The following ASTN2 variants were observed in gnomAD, a reference collection of about 807,000 sequenced individuals.
The protein encoded by ASTN2 is astrotactin-2.
In ASTN2, 54 loss-of-function variants were observed where a neutral mutation model predicts 139.8. That is an observed-to-expected ratio of 0.39 (90% CI 0.31 to 0.48). ASTN2 has a LOEUF of 0.48. Among genes scored for constraint, ASTN2 ranks in the 20% least tolerant of loss-of-function variants. The probability of loss-of-function intolerance (pLI) is 0.95; values close to 1 mark genes in which losing one functional copy is unlikely to be tolerated. For missense variants in ASTN2, 1,565 were observed against 1,725.1 expected (o/e 0.91, Z 1.64); for synonymous variants, 756 against 719.5 (o/e 1.05, Z -0.81).
intron 3 of ASTN2, among the ~76,000 whole-genome samples, chr9:117,176,328 G>GTA (rs1430659315): frequency 6.6e-6 from 1 of 152,034 alleles, no homozygotes; most frequent in Admixed American, 6.6e-5. Context: ...TAAAGTAAAA[G>GTA]TATAACTATC....
At chr9:117,140,168 C>A (rs950874836) in intron 4 of ASTN2, among the ~76,000 whole-genome samples, 16 of 152,024 alleles carry the variant, frequency 1.1e-4, no homozygotes, top group African/African-American at 3.6e-4. Context: ...AGTCAATAAC[C>A]CTTAGGGGCC....
At chr9:117,085,070 A>G (rs1164607216) in intron 5 of ASTN2, among the ~76,000 whole-genome samples, 1 of 152,166 alleles carries the variant, frequency 6.6e-6, no homozygotes, top group Non-Finnish European at 1.5e-5. Flanking sequence ...GGCCCTAAAT[A>G]TTCAGCTTCT....
chr9:116,446,269 A>AGAGC (rs1184923739), intron 20 of ASTN2, among the ~76,000 whole-genome samples: 2 of 73,858 alleles, frequency 2.7e-5, no homozygotes, highest in African/African-American at 9.1e-5. Context: ...AGAGAGAGAG[A>AGAGC]GATAGAGAGA....
chr9:116,505,312 G>C (rs890338422), intron 19 of ASTN2, among the ~76,000 whole-genome samples: 4 of 151,762 alleles, frequency 2.6e-5, no homozygotes, highest in African/African-American at 7.3e-5. Context: ...AAACAATGTT[G>C]GTTCCCGCTC....
chr9:116,756,944 A>G (rs1829548796), intron 13 of ASTN2, among the ~76,000 whole-genome samples: 1 of 152,154 alleles, frequency 6.6e-6, no homozygotes, highest in African/African-American at 2.4e-5. Context: ...CCAGGGTGCT[A>G]TTATGCCACA....
chr9:116,432,252 C>T (rs1432756669), intron 22 of ASTN2, among the ~76,000 whole-genome samples: 3 of 152,200 alleles, frequency 2.0e-5, no homozygotes, highest in African/African-American at 7.2e-5. Context: ...TTCAGGAAGT[C>T]TTCCAGATCT....
intron 1 of ASTN2, among the ~76,000 whole-genome samples, chr9:117,363,229 T>C (rs1829741652): frequency 6.6e-6 from 1 of 152,188 alleles, no homozygotes; most frequent in South Asian, 2.1e-4. Flanking sequence ...GTACGTTCAT[T>C]CATGAAGCAT....
chr9:116,946,446 G>C (rs10481682), intron 10 of ASTN2, among the ~76,000 whole-genome samples: 7,219 of 152,080 alleles, frequency 0.047, 570 homozygotes, highest in African/African-American at 0.16. Flanking sequence ...TTCTTTCACT[G>C]TCTTTTTAAA....
chr9:116,866,247 C>T (rs1833011602), intron 10 of ASTN2, among the ~76,000 whole-genome samples: 1 of 152,164 alleles, frequency 6.6e-6, no homozygotes, highest in Non-Finnish European at 1.5e-5. Context: ...AGAAAACACC[C>T]AAAGGCTTAG....
intron 19 of ASTN2, among the ~76,000 whole-genome samples, chr9:116,553,866 G>A (rs923747997): frequency 1.3e-5 from 2 of 152,210 alleles, no homozygotes; most frequent in African/African-American, 4.8e-5. Flanking sequence ...TTAGAAAACT[G>A]CTATGGAAGG....
chr9:117,365,956 C>A (rs543107296), intron 1 of ASTN2, among the ~76,000 whole-genome samples: 1 of 152,270 alleles, frequency 6.6e-6, no homozygotes, highest in South Asian at 2.1e-4. Flanking sequence ...CAGAATGTGA[C>A]AAGTTAACAT....
chr9:117,106,096 T>C (rs538949619), intron 4 of ASTN2, among the ~76,000 whole-genome samples: 1 of 152,356 alleles, frequency 6.6e-6, no homozygotes, highest in East Asian at 1.9e-4. Flanking sequence ...ATTTCCACTT[T>C]CTAGATTCCG....
chr9:117,044,822 G>A (rs886762030), intron 5 of ASTN2, among the ~76,000 whole-genome samples: 1 of 152,158 alleles, frequency 6.6e-6, no homozygotes, highest in South Asian at 2.1e-4. Flanking sequence ...ACAAAACAGC[G>A]AAAGCCCTTG....
At chr9:117,242,902 T>C (rs1478702037) in intron 2 of ASTN2, among the ~76,000 whole-genome samples, 2 of 152,190 alleles carry the variant, frequency 1.3e-5, no homozygotes, top group Non-Finnish European at 2.9e-5. Context: ...AACTATAGCC[T>C]TCCAGTTTGC....
At chr9:117,393,748 A>T (rs1055501925) in intron 1 of ASTN2, among the ~76,000 whole-genome samples, 1 of 152,126 alleles carries the variant, frequency 6.6e-6, no homozygotes, top group Non-Finnish European at 1.5e-5. Flanking sequence ...AGGAATGGGC[A>T]GGCTCTGAGG....
intron 20 of ASTN2, among the ~76,000 whole-genome samples, chr9:116,467,026 C>A (rs1848666993): frequency 6.6e-6 from 1 of 152,076 alleles, no homozygotes; most frequent in Admixed American, 6.5e-5. Flanking sequence ...CATGTTCCTG[C>A]CTCTCACCAG....
chr9:116,501,402 G>T (rs898101217), intron 19 of ASTN2, among the ~76,000 whole-genome samples: 2 of 151,998 alleles, frequency 1.3e-5, no homozygotes, highest in Admixed American at 6.6e-5. Flanking sequence ...TCTTTGCTAT[G>T]GTGAATAGTG....
intron 1 of ASTN2, among the ~76,000 whole-genome samples, chr9:117,300,330 A>T (rs1834844575): frequency 6.6e-6 from 1 of 152,216 alleles, no homozygotes; most frequent in Non-Finnish European, 1.5e-5. Flanking sequence ...TTAATCATTA[A>T]TTCATAGTAG....
At chr9:116,636,584 A>T (rs1857083789) in intron 17 of ASTN2, among the ~76,000 whole-genome samples, 1 of 152,170 alleles carries the variant, frequency 6.6e-6, no homozygotes, top group Non-Finnish European at 1.5e-5. Context: ...TGGGAGGCTG[A>T]GGCAGGAAAA....
Sources: allele counts gnomAD v4.1 joint callset (sites outside exome capture counted in the v4.1 genomes callset), GRCh38; gene constraint gnomAD v4.1.1; transcripts MANE v1.5; gene names NCBI Gene and HGNC (gene_info 2026-07-23, HGNC 2026-07-21).